EXOC6B: variants seen among roughly 807,000 people sequenced by gnomAD.
The protein encoded by EXOC6B is exocyst complex component 6B, also known as SEC15 homolog B.
In EXOC6B, 54 loss-of-function variants were observed where a neutral mutation model predicts 113.5. That is an observed-to-expected ratio of 0.48 (90% CI 0.38 to 0.60). The LOEUF (loss-of-function observed/expected upper bound fraction) is 0.60, where lower values mean the gene tolerates loss of function less well. EXOC6B is among the 20% of genes least tolerant of loss of function. EXOC6B has a pLI of 0.00. For missense variants in EXOC6B, 797 were observed against 977.5 expected (o/e 0.82, Z 2.46); for synonymous variants, 357 against 339.0 (o/e 1.05, Z -0.58).
intron 17 of EXOC6B, among the ~76,000 whole-genome samples, chr2:72,475,241 G>A (rs1180296584): frequency 6.6e-6 from 1 of 152,150 alleles, no homozygotes; most frequent in Non-Finnish European, 1.5e-5. Flanking sequence ...TTACTTGGAT[G>A]CCAGCAGTGA....
intron 20 of EXOC6B, among the ~76,000 whole-genome samples, chr2:72,205,736 C>T (rs1378896425): frequency 6.6e-6 from 1 of 152,206 alleles, no homozygotes; most frequent in Non-Finnish European, 1.5e-5. Context: ...CTTAGCTTAG[C>T]TCTGACTCTC....
chr2:72,697,252 T>C (rs1386002056), intron 6 of EXOC6B, among the ~76,000 whole-genome samples: 1 of 152,136 alleles, frequency 6.6e-6, no homozygotes, highest in Non-Finnish European at 1.5e-5. Flanking sequence ...ACATATATCA[T>C]TTATAAATAC....
Position 72,480,126 on chromosome 2 carries a change from C to A in EXOC6B, c.1800+490G>T, listed in dbSNP as rs1199332600. 3.3e-5 allele frequency among the ~76,000 whole-genome samples: 5 copies of A among 151,914 alleles called. No individual in the cohort carries two copies. The East Asian group carries it at 9.7e-4, about 29-fold the overall frequency. On this transcript the variant is annotated intron_variant, in intron 17 of 21. Coordinates refer to ENST00000272427, the MANE Select transcript of EXOC6B (RefSeq NM_015189.3). Reference sequence around the variant, plus strand: ...GGATGAGGCATGAGAACTACTTGAACCCAGGAGACAGGGGTTGCGGTGAGC... The same window carrying A: ...GGATGAGGCATGAGAACTACTTGAAACCAGGAGACAGGGGTTGCGGTGAGC...
intron 19 of EXOC6B, among the ~76,000 whole-genome samples, chr2:72,370,419 G>A (rs927066511): frequency 1.3e-5 from 2 of 152,196 alleles, no homozygotes; most frequent in Admixed American, 6.5e-5. Flanking sequence ...TGGTGGGACT[G>A]TAAACCGGTT....
intron 17 of EXOC6B, among the ~76,000 whole-genome samples, chr2:72,474,990 ACT>A (rs1698644333): frequency 6.6e-6 from 1 of 152,076 alleles, no homozygotes; most frequent in African/African-American, 2.4e-5. Context: ...AGTAGTGTAA[ACT>A]CTGTACGATT....
intron 15 of EXOC6B, 44 bp from the exon 16 acceptor site, chr2:72,492,473 T>C (rs761804609): frequency 7.6e-7 from 1 of 1,311,294 alleles, no homozygotes; most frequent in South Asian, 1.2e-5. Flanking sequence ...GGTAGCAGAA[T>C]TATTTCGGCA....
intron 6 of EXOC6B, among the ~76,000 whole-genome samples, chr2:72,645,381 T>C (rs1673628224): frequency 6.6e-6 from 1 of 152,004 alleles, no homozygotes; most frequent in Non-Finnish European, 1.5e-5. Flanking sequence ...GACAGATAAA[T>C]GAGACAGAAG....
chr2:72,816,295 C>G lies in EXOC6B; in HGVS notation c.113+9503G>C, dbSNP rs149294671. ...CAGAAACAGAACTAGTTTAATAAAC[C>G]ATGATATATTTACATAATGGAATAC... On this transcript the variant is annotated intron_variant, in intron 1 of 21. Transcript: ENST00000272427. Among the ~76,000 whole-genome samples the G allele has an allele frequency of 5.6e-3, 857 of 151,724 alleles. 8 individuals carry two copies. The highest frequency in any genetic ancestry group is 0.019 in the African/African-American group (783 of 41,350).
At chr2:72,729,322 A>C (rs1459241765) in intron 5 of EXOC6B, among the ~76,000 whole-genome samples, 3 of 151,072 alleles carry the variant, frequency 2.0e-5, no homozygotes, top group Admixed American at 2.0e-4. Flanking sequence ...TTTTATATAT[A>C]TACTATATAT....
chr2:72,718,055 C>T, intron 6 of EXOC6B, 48 bp downstream of exon 6: 1 of 1,444,244 alleles, frequency 6.9e-7, no homozygotes, highest in Non-Finnish European at 9.5e-7. Flanking sequence ...GTGTTTAACT[C>T]AATACTGATA....
At chr2:72,581,733 C>T (rs755809080) in intron 6 of EXOC6B, among the ~76,000 whole-genome samples, 3 of 152,184 alleles carry the variant, frequency 2.0e-5, no homozygotes, top group South Asian at 4.1e-4. Context: ...GATTTCCCTG[C>T]TCCACACCTA....
chr2:72,752,394 T>C (rs773220493), intron 1 of EXOC6B, among the ~76,000 whole-genome samples: 44 of 152,074 alleles, frequency 2.9e-4, no homozygotes, highest in Non-Finnish European at 5.7e-4. Flanking sequence ...CAATACTTTC[T>C]TTGGTGGGGG....
At chr2:72,467,220 T>C (rs1698112522) in intron 17 of EXOC6B, among the ~76,000 whole-genome samples, 2 of 152,244 alleles carry the variant, frequency 1.3e-5, no homozygotes, top group Non-Finnish European at 2.9e-5. Context: ...ACATTTTCTT[T>C]ATGCATTCAC....
At chr2:72,643,901 A>G (rs114081330) in intron 6 of EXOC6B, among the ~76,000 whole-genome samples, 4,369 of 152,204 alleles carry the variant, frequency 0.029, 213 homozygotes, top group African/African-American at 0.099. Context: ...CCTCCAAAGG[A>G]TCACAGTTCC....
intron 1 of EXOC6B, among the ~76,000 whole-genome samples, chr2:72,794,179 A>C (rs1486347624): frequency 2.6e-5 from 4 of 152,240 alleles, no homozygotes; most frequent in Non-Finnish European, 5.9e-5. Context: ...TTGATCAAAC[A>C]CAGATAATCT....
At chr2:72,576,901 T>C (rs1191114125) in intron 6 of EXOC6B, among the ~76,000 whole-genome samples, 1 of 152,104 alleles carries the variant, frequency 6.6e-6, no homozygotes, top group Non-Finnish European at 1.5e-5. Flanking sequence ...CAATATAAGA[T>C]ATTTCTCCTC....
chr2:72,320,720 A>G (rs530250519), intron 20 of EXOC6B, among the ~76,000 whole-genome samples: 17 of 152,340 alleles, frequency 1.1e-4, no homozygotes, highest in Admixed American at 3.3e-4. Flanking sequence ...AAAAAGTGAC[A>G]TTATAACTGT....
chr2:72,667,287 A>C (rs1241043003), intron 6 of EXOC6B, among the ~76,000 whole-genome samples: 1 of 152,250 alleles, frequency 6.6e-6, no homozygotes, highest in Non-Finnish European at 1.5e-5. Context: ...TATTGTTAAC[A>C]TGGCCATACT....
chr2:72,234,061 G>C (rs1427228463), intron 20 of EXOC6B, among the ~76,000 whole-genome samples: 1 of 150,354 alleles, frequency 6.7e-6, no homozygotes, highest in African/African-American at 2.5e-5. Flanking sequence ...CCCATATGCA[G>C]AAGATTGAAG....
Sources: gnomAD v4.1 joint callset for allele counts (sites outside exome capture counted in the v4.1 genomes callset) on GRCh38, gnomAD v4.1.1 for gene constraint, MANE v1.5 for transcripts, NCBI Gene and HGNC (gene_info 2026-07-23, HGNC 2026-07-21) for gene names.